Variants in HACE1 observed in about 807,000 individuals in gnomAD.
HACE1 encodes E3 ubiquitin-protein ligase HACE1.
A neutral mutation model predicts 118.4 loss-of-function variants in HACE1; 73 were observed. The ratio of observed to expected loss-of-function variants is 0.62; its 90% CI spans 0.51 to 0.75. HACE1 has a LOEUF of 0.75. Among genes scored for constraint, HACE1 ranks in the 30% least tolerant of loss-of-function variants. The probability of loss-of-function intolerance (pLI) is 0.00; values close to 1 mark genes in which losing one functional copy is unlikely to be tolerated. For synonymous variants in HACE1, 368 were observed against 374.8 expected (o/e 0.98, Z 0.21); for missense variants, 749 against 1,102.2 (o/e 0.68, Z 4.54).
intron 5 of HACE1, among the ~76,000 whole-genome samples, chr6:104,839,395 T>A (rs1286327682): frequency 6.6e-6 from 1 of 152,172 alleles, no homozygotes; most frequent in African/African-American, 2.4e-5. Flanking sequence ...CTCCAAGGAA[T>A]GTGACAAACA....
intron 20 of HACE1, among the ~76,000 whole-genome samples, chr6:104,747,734 C>T (rs1177729278): frequency 6.6e-6 from 1 of 152,130 alleles, no homozygotes; most frequent in Non-Finnish European, 1.5e-5. Flanking sequence ...GACAATAGTA[C>T]TCACCTCAAG....
At chr6:104,759,329 A>G (rs1426607940) in intron 19 of HACE1, among the ~76,000 whole-genome samples, 1 of 152,108 alleles carries the variant, frequency 6.6e-6, no homozygotes. Flanking sequence ...TGTAAAAGAA[A>G]AGAAATCACA....
At chr6:104,756,998 G>A (rs759905673) in intron 19 of HACE1, among the ~76,000 whole-genome samples, 46 of 152,294 alleles carry the variant, frequency 3.0e-4, no homozygotes, top group Non-Finnish European at 4.3e-4. Context: ...GGAGAGGGGC[G>A]TCCACCATTG....
intron 1 of HACE1, among the ~76,000 whole-genome samples, chr6:104,859,110 GC>G (rs1391810648): frequency 6.6e-6 from 1 of 152,188 alleles, no homozygotes; most frequent in African/African-American, 2.4e-5. Flanking sequence ...ACAAGGCAGT[GC>G]CCCACATTTT....
At chr6:104,848,461 A>T (rs1775878989) in intron 4 of HACE1, among the ~76,000 whole-genome samples, 1 of 151,856 alleles carries the variant, frequency 6.6e-6, no homozygotes, top group Non-Finnish European at 1.5e-5. Context: ...TCTCAAAAAA[A>T]AAAAAAAAGA....
At chr6:104,845,346 A>T (rs1230644407) in intron 4 of HACE1, among the ~76,000 whole-genome samples, 2 of 152,158 alleles carry the variant, frequency 1.3e-5, no homozygotes, top group East Asian at 3.8e-4. Flanking sequence ...TCATTGATTG[A>T]ATAAAACTTT....
intron 4 of HACE1, 126 bp downstream of exon 4, chr6:104,849,016 T>C (rs1344926793): frequency 5.9e-6 from 4 of 675,410 alleles, no homozygotes; most frequent in Non-Finnish European, 1.1e-5. Context: ...AAATAAAATA[T>C]GCACCATTAT....
At chr6:104,759,062 G>C (rs961843918) in intron 19 of HACE1, among the ~76,000 whole-genome samples, 5 of 152,162 alleles carry the variant, frequency 3.3e-5, no homozygotes, top group Non-Finnish European at 7.3e-5. Flanking sequence ...CAAGTCCTTA[G>C]AGATCTACAA....
At chr6:104,745,956 T>C (rs1425375177) in intron 20 of HACE1, among the ~76,000 whole-genome samples, 1 of 152,198 alleles carries the variant, frequency 6.6e-6, no homozygotes, top group African/African-American at 2.4e-5. Flanking sequence ...TCTTCATATA[T>C]TTCAACCAAA....
At position 104,845,164 on chromosome 6, in the gene HACE1, A is replaced by G. The variant is rs189931460; in HGVS notation, c.327-1866T>C. ...CATTACTTTGAATGGCAGAGTATAT[A>G]CTATACATGAATATATTACTATTTA... On this transcript the variant is annotated intron_variant, in intron 4 of 23. Coordinates refer to ENST00000262903, the MANE Select transcript of HACE1 (RefSeq NM_020771.4). Among the ~76,000 whole-genome samples, 78 of 152,134 alleles carry G rather than the reference A, an allele frequency of 5.1e-4. 1 individual carries two copies. The highest frequency in any genetic ancestry group is 4.9e-3 in the Admixed American group (75 of 15,268).
intron 17 of HACE1, among the ~76,000 whole-genome samples, chr6:104,773,947 A>C (rs1406602418): frequency 6.6e-6 from 1 of 151,926 alleles, no homozygotes; most frequent in Non-Finnish European, 1.5e-5. Context: ...AGTATACAAT[A>C]ATATCATTTT....
At position 104,796,757 on chromosome 6, in the gene HACE1, C is replaced by T; in HGVS notation, c.715-1G>A. The T allele has an allele frequency of 1.3e-6, 2 of 1,523,838 alleles. No individual in the cohort carries two copies. Among genetic ancestry groups the T allele is most frequent in the African/African-American group, 1.4e-5 (1 of 73,076 alleles). 94.4% of individuals were successfully genotyped at this position (1,523,838 alleles called of 1,614,324 possible). The stretch of plus-strand genomic sequence containing the variant: ...CTTCACAAGTCTCTCCATATCCACC[C>T]TAAAAACAAGATCTAAAATTATCCA... On this transcript the variant is annotated splice_acceptor_variant, in intron 8 of 23. Transcript: ENST00000262903. LOFTEE classifies it high-confidence loss of function.
At chr6:104,852,228 T>TGTGTGTGTGTGA in intron 2 of HACE1, 89 bp downstream of exon 2, 2 of 660,804 alleles carry the variant, frequency 3.0e-6, no homozygotes, top group African/African-American at 2.5e-5. Flanking sequence ...TGTGTGTGTG[T>TGTGTGTGTGTGA]GCGCGCGTGC....
chr6:104,756,423 A>AT (rs1562298619), intron 19 of HACE1, among the ~76,000 whole-genome samples: 13 of 130,534 alleles, frequency 1.0e-4, no homozygotes, highest in African/African-American at 3.8e-4. Flanking sequence ...AAAAAAAAAA[A>AT]AAAATATATA....
chr6:104,777,340 A>C, intron 14 of HACE1, 23 bp from the exon 15 acceptor site: 1 of 1,406,698 alleles, frequency 7.1e-7, no homozygotes, highest in South Asian at 1.1e-5. Context: ...ATAAGAGTAA[A>C]ATATGTTAGC....
chr6:104,858,618 T>C, intron 1 of HACE1: 1 of 229,404 alleles, frequency 4.4e-6, no homozygotes, highest in Non-Finnish European at 9.0e-6. Context: ...TCCTTCCCTA[T>C]CCTACAAACC....
chr6:104,744,102 G>T, intron 22 of HACE1, 58 bp downstream of exon 22: 1 of 974,272 alleles, frequency 1.0e-6, no homozygotes. Context: ...TTATCTCTAA[G>T]CCATTAAAAG....
chr6:104,746,850 T>A (rs1777489831), intron 20 of HACE1, among the ~76,000 whole-genome samples: 2 of 152,226 alleles, frequency 1.3e-5, no homozygotes, highest in African/African-American at 4.8e-5. Context: ...ATGAGTTTAA[T>A]CCTTTTCCCT....
chr6:104,794,818 T>C (rs1783438167), intron 10 of HACE1, among the ~76,000 whole-genome samples: 1 of 152,032 alleles, frequency 6.6e-6, no homozygotes, highest in Admixed American at 6.6e-5. Flanking sequence ...GGCAGGAGAA[T>C]TGCTTGAACC....
Sources: gnomAD v4.1 joint callset for allele counts (sites outside exome capture counted in the v4.1 genomes callset) on GRCh38, gnomAD v4.1.1 for gene constraint, MANE v1.5 for transcripts, NCBI Gene and HGNC (gene_info 2026-07-23, HGNC 2026-07-21) for gene names.